AGXT2: variants seen among roughly 807,000 people sequenced by gnomAD.
The protein encoded by AGXT2 is alanine--glyoxylate aminotransferase 2, mitochondrial.
Under a neutral mutation model 62.5 loss-of-function variants are expected in AGXT2, and 61 were observed. The ratio of observed to expected loss-of-function variants is 0.98; its 90% CI spans 0.79 to 1.21. AGXT2 has a LOEUF of 1.21. Among genes scored for constraint, AGXT2 ranks in the 50% most tolerant of loss-of-function variants. The pLI, the probability that AGXT2 is intolerant of heterozygous loss-of-function variation, is 0.00. For synonymous variants in AGXT2, 243 were observed against 218.7 expected, an observed-to-expected ratio of 1.11 and a Z score of -0.98; for missense variants, 666 against 641.5, an observed-to-expected ratio of 1.04 and a Z score of -0.41.
intron 1 of AGXT2, 139 bp from the exon 2 acceptor site, chr5:35,040,802 T>G (rs1424332431): frequency 5.4e-6 from 4 of 745,710 alleles, no homozygotes; most frequent in Non-Finnish European, 9.5e-6. Flanking sequence ...GCTTTTAGTT[T>G]GGATTTAAAA....
intron 10 of AGXT2, among the ~76,000 whole-genome samples, 184 bp from the exon 11 acceptor site, chr5:35,013,229 C>G (rs965400889): frequency 3.3e-5 from 5 of 152,172 alleles, no homozygotes; most frequent in African/African-American, 9.7e-5. Context: ...ATGGCTGAAG[C>G]CTTAACCCTG....
intron 7 of AGXT2, 76 bp downstream of exon 7, chr5:35,032,656 C>G (rs917593865): frequency 2.1e-5 from 27 of 1,291,214 alleles, no homozygotes; most frequent in Non-Finnish European, 2.9e-5. Flanking sequence ...ATTGTTCCCT[C>G]AGGGATGGGT....
In AGXT2 at chr5:35,029,889, G is replaced by C. The variant is rs549716053; in HGVS notation, c.769+2843C>G. ...ATATACCATATAAACATCTAGATTAGACTCACAAAATGGCCCCCTGCCTCT... is the reference window on the plus strand; with the variant it reads ...ATATACCATATAAACATCTAGATTACACTCACAAAATGGCCCCCTGCCTCT... On this transcript the variant is annotated intron_variant, in intron 7 of 13. Transcript: ENST00000231420. 1.4e-4 allele frequency among the ~76,000 whole-genome samples: 21 copies of C among 152,204 alleles called. No homozygotes were observed. In the South Asian group the frequency reaches 4.4e-3, roughly 32 times the overall value.
At chr5:35,013,768 G>T (rs1766733026) in intron 10 of AGXT2, among the ~76,000 whole-genome samples, 1 of 137,026 alleles carries the variant, frequency 7.3e-6, no homozygotes, top group Non-Finnish European at 1.5e-5. Context: ...GGGTGACAGA[G>T]CAAGACTCTG....
intron 1 of AGXT2, among the ~76,000 whole-genome samples, chr5:35,044,215 G>A (rs759393182): frequency 6.6e-6 from 1 of 152,192 alleles, no homozygotes; most frequent in Non-Finnish European, 1.5e-5. Context: ...TGCCTCCCAT[G>A]GAGGCCTGCT....
At position 35,012,747 on chromosome 5, in the gene AGXT2, T is replaced by C. The variant is rs1766692882; in HGVS notation, c.1188+207A>G. ...TGTATGTGAGGTTTATTATATATTA[T>C]TTCTTATCCAATACTTTCAGCACCC... On this transcript the variant is annotated intron_variant, in intron 11 of 13. Transcript: ENST00000231420. 3 of 588,156 alleles carry C rather than the reference T, an allele frequency of 5.1e-6. No individual in the cohort carries two copies. The South Asian group carries it at 6.0e-5, about 12-fold the overall frequency. The allele number at this position is 588,156 out of a possible 1,614,324, so 36.4% of individuals were successfully genotyped here.
chr5:35,005,175 A>T (rs1401442711), intron 12 of AGXT2, among the ~76,000 whole-genome samples: 1 of 152,142 alleles, frequency 6.6e-6, no homozygotes, highest in African/African-American at 2.4e-5. Context: ...GAGGGATTGG[A>T]GAGTAATCCG....
rs70973023 is a variant in AGXT2, at chr5:35,041,223, C to CGAAAAAAAAAAAA, written c.89-561_89-560insTTTTTTTTTTTTC. Among the ~76,000 whole-genome samples, 33 of 51,400 alleles carry CGAAAAAAAAAAAA rather than the reference C, an allele frequency of 6.4e-4. 4 individuals carry two copies. Among genetic ancestry groups the CGAAAAAAAAAAAA allele is most frequent in the South Asian group, 1.0e-3 (1 of 954 alleles). 33.7% of individuals were successfully genotyped at this position (51,400 alleles called of 152,430 possible). A position where few individuals can be genotyped will look rare whatever the true frequency, so the allele number is the denominator to read the frequency against. Reference sequence around the variant, plus strand: ...CCCAGAAGACAAAACCTCCCCCCGCCAAAAAAAAAAAAAAAAAAAGGCTGC... The same window carrying CGAAAAAAAAAAAA: ...CCCAGAAGACAAAACCTCCCCCCGCCGAAAAAAAAAAAAAAAAAAAAAAAAAAAAAAAGGCTGC... On this transcript the variant is annotated intron_variant, in intron 1 of 13. Transcript: ENST00000231420.
chr5:34,999,577 C>G (rs1221382323), intron 13 of AGXT2, among the ~76,000 whole-genome samples: 2 of 152,090 alleles, frequency 1.3e-5, no homozygotes, highest in Non-Finnish European at 2.9e-5. Context: ...TGAGTGATGC[C>G]GCTAGATATT....
In AGXT2 at chr5:35,025,875, G is replaced by A. The variant is rs201500604; in HGVS notation, c.871-20C>T. On this transcript the variant is annotated intron_variant, in intron 8 of 13. Coordinates refer to ENST00000231420, the MANE Select transcript of AGXT2 (RefSeq NM_031900.4). Reference sequence around the variant, plus strand: ...CACACCCTGCAAAAGACCAGACCAAGAAGACCTATAATAATAGCATCAGCC... The same window carrying A: ...CACACCCTGCAAAAGACCAGACCAAAAAGACCTATAATAATAGCATCAGCC... The A allele has an allele frequency of 1.8e-4, 281 of 1,605,580 alleles. 1 individual carries two copies. In the African/African-American group the frequency reaches 3.3e-3, roughly 19 times the overall value.
intron 9 of AGXT2, among the ~76,000 whole-genome samples, chr5:35,018,511 A>G (rs1326689974): frequency 6.6e-6 from 1 of 152,228 alleles, no homozygotes; most frequent in Non-Finnish European, 1.5e-5. Flanking sequence ...TACTTTACAA[A>G]CAAGCAAATG....
chr5:35,005,933 C>T (rs372832350), intron 12 of AGXT2, among the ~76,000 whole-genome samples: 14 of 152,292 alleles, frequency 9.2e-5, no homozygotes, highest in African/African-American at 3.4e-4. Context: ...TTCCCCACTT[C>T]CTATCCTATT....
intron 6 of AGXT2, chr5:35,033,109 T>C (rs999263334): frequency 2.0e-6 from 1 of 496,308 alleles, no homozygotes; most frequent in Non-Finnish European, 3.7e-6. Context: ...AATAATTAGG[T>C]ATCTGATTCA....
intron 7 of AGXT2, among the ~76,000 whole-genome samples, chr5:35,028,004 G>A (rs1767423472): frequency 1.3e-5 from 2 of 151,402 alleles, no homozygotes; most frequent in South Asian, 4.3e-4. Flanking sequence ...GGCCTCTTGG[G>A]GGCTCCAGCT....
chr5:35,004,613 C>T lies in AGXT2; in HGVS notation c.1339-752G>A, dbSNP rs559964125. Among the ~76,000 whole-genome samples, 8 of 152,344 alleles carry T rather than the reference C, an allele frequency of 5.3e-5. No individual in the cohort carries two copies. In the South Asian group the frequency reaches 1.7e-3, roughly 32 times the overall value. On this transcript the variant is annotated intron_variant, in intron 12 of 13. Transcript: ENST00000231420. Reference sequence around the variant, plus strand: ...CACACCTGACAGCATGTCTGCATTACCTGGAAGGCTTTCAAATGACAGATA... The same window carrying T: ...CACACCTGACAGCATGTCTGCATTATCTGGAAGGCTTTCAAATGACAGATA...
intron 9 of AGXT2, among the ~76,000 whole-genome samples, chr5:35,017,102 G>A (rs982191843): frequency 6.6e-6 from 1 of 152,138 alleles, no homozygotes; most frequent in Non-Finnish European, 1.5e-5. Context: ...ACTGCTCCTT[G>A]ACAGAACTGG....
At chr5:35,044,468 G>A (rs1054632888) in intron 1 of AGXT2, among the ~76,000 whole-genome samples, 2 of 152,198 alleles carry the variant, frequency 1.3e-5, no homozygotes, top group South Asian at 2.1e-4. Context: ...TGTCCCATGC[G>A]TGCTCTGGGT....
chr5:34,999,465 C>T (rs1766148444), intron 13 of AGXT2, among the ~76,000 whole-genome samples: 2 of 152,068 alleles, frequency 1.3e-5, no homozygotes, highest in African/African-American at 4.8e-5. Context: ...TCTGCTGCAC[C>T]CACACCACAG....
chr5:35,026,240 A>G, intron 8 of AGXT2, 170 bp downstream of exon 8: 1 of 669,430 alleles, frequency 1.5e-6, no homozygotes, highest in Non-Finnish European at 2.6e-6. Flanking sequence ...GGGTTTTTAA[A>G]AGGTCATTTG....
Sources: allele counts gnomAD v4.1 joint callset (sites outside exome capture counted in the v4.1 genomes callset), GRCh38; gene constraint gnomAD v4.1.1; transcripts MANE v1.5; gene names NCBI Gene and HGNC (gene_info 2026-07-23, HGNC 2026-07-21).